DCPS: variants seen among roughly 807,000 people sequenced by gnomAD.
DCPS encodes decapping enzyme, scavenger.
DCPS carries 27 observed loss-of-function variants against 34.7 expected under a neutral mutation model. The ratio of observed to expected loss-of-function variants is 0.78; its 90% CI spans 0.57 to 1.07. The LOEUF is 1.07. DCPS is among the 50% of genes least tolerant of loss of function. The probability of loss-of-function intolerance (pLI) is 0.00; values close to 1 mark genes in which losing one functional copy is unlikely to be tolerated. For synonymous variants in DCPS, 185 were observed against 185.7 expected (o/e 1.00, Z 0.03); for missense variants, 464 against 436.9 (o/e 1.06, Z -0.55).
rs1395490934 is a variant in DCPS at position 126,327,689 on chromosome 11, T to C, written c.377-3716T>C. Among the ~76,000 whole-genome samples the C allele has an allele frequency of 6.6e-6, 1 of 152,224 alleles. No homozygotes were observed. Among genetic ancestry groups the C allele is most frequent in the Admixed American group, 6.5e-5 (1 of 15,286 alleles). ...TCGTAAACCTTAGCATTAGGAAATA[T>C]ATTGATTTGTATCAGAGAGGTTTTA... On this transcript the variant is annotated intron_variant, in intron 2 of 5. Coordinates refer to ENST00000263579, the MANE Select transcript of DCPS (RefSeq NM_014026.6). This position sits in a 1 kb window ranked among gnomAD's most constrained non-coding sequence, Gnocchi z 4.1.
chr11:126,307,479 C>T (rs566046485), intron 2 of DCPS, among the ~76,000 whole-genome samples: 8 of 152,060 alleles, frequency 5.3e-5, no homozygotes, highest in South Asian at 4.1e-4. Context: ...GGCGCGATCT[C>T]GGCTCGCTGC....
rs1951713129 is a variant in DCPS, at chr11:126,322,276, T to C, written c.377-9129T>C. Reference sequence around the variant, plus strand: ...TCTTCTTATTTTTATTTATTTTTATTTTTTTGAGACAGAGTCTCACTTTGT... The same window carrying C: ...TCTTCTTATTTTTATTTATTTTTATCTTTTTGAGACAGAGTCTCACTTTGT... On this transcript the variant is annotated intron_variant, in intron 2 of 5. Transcript: ENST00000263579. This position sits in a 1 kb window ranked among gnomAD's most constrained non-coding sequence, Gnocchi z 4.2. Among the ~76,000 whole-genome samples the C allele has an allele frequency of 6.6e-6, 1 of 151,980 alleles. No homozygotes were observed. The highest frequency in any genetic ancestry group is 1.5e-5 in the Non-Finnish European group (1 of 67,980).
chr11:126,327,499 T>C lies in DCPS; in HGVS notation c.377-3906T>C, dbSNP rs1239361405. On this transcript the variant is annotated intron_variant, in intron 2 of 5. Transcript: ENST00000263579. This position sits in a 1 kb window ranked among gnomAD's most constrained non-coding sequence, Gnocchi z 4.1. ...ATAAGTAATCTATGGGAGATATTTT[T>C]GAGACTGTGCCTGTGTATCGTGTTT... Among the ~76,000 whole-genome samples the C allele has an allele frequency of 1.3e-5, 2 of 152,236 alleles. No individual in the cohort carries two copies. Among genetic ancestry groups the C allele is most frequent in the Non-Finnish European group, 1.5e-5 (1 of 68,048 alleles).
chr11:126,306,707 C>T lies in DCPS; in HGVS notation c.339C>T (p.Tyr113=), dbSNP rs774374339. The change falls in exon 2 of 6, where the codon TAC becomes TAT. Residue 113 remains tyrosine, a synonymous_variant. Coordinates refer to ENST00000263579, the MANE Select transcript of DCPS (RefSeq NM_014026.6). ...AGTTGCAGTTCTCCAATGATATCTA[C>T]AGCACCTATCACTTGTTCCCTCCAA... The part of the protein sequence containing the change: ...ELQLQFSNDI[Y]STYHLFPPRQ... The T allele has an allele frequency of 6.8e-6, 11 of 1,607,418 alleles. No individual in the cohort carries two copies. Among genetic ancestry groups the T allele is most frequent in the African/African-American group, 2.7e-5 (2 of 74,814 alleles).
rs1951752409 is a variant in DCPS at position 126,327,869 on chromosome 11, G to A, written c.377-3536G>A. Among the ~76,000 whole-genome samples, 1 of 152,250 alleles carries A rather than the reference G, an allele frequency of 6.6e-6. No individual in the cohort carries two copies. The highest frequency in any genetic ancestry group is 2.4e-5 in the African/African-American group (1 of 41,470). On this transcript the variant is annotated intron_variant, in intron 2 of 5. Coordinates refer to ENST00000263579, the MANE Select transcript of DCPS (RefSeq NM_014026.6). This position sits in a 1 kb window ranked among gnomAD's most constrained non-coding sequence, Gnocchi z 4.1. ...ATTGTTTTCTTCCGGAAGCTGCATA[G>A]TAGTTGGGGAGTCAGACAGTCCATC...
rs987304256 is a variant in DCPS at position 126,319,254 on chromosome 11, T to A, written c.377-12151T>A. On this transcript the variant is annotated intron_variant, in intron 2 of 5. Coordinates refer to ENST00000263579, the MANE Select transcript of DCPS (RefSeq NM_014026.6). The surrounding 1 kb of genome is among the most constrained non-coding windows in gnomAD (Gnocchi z 4.5). ...CCTGAACTCCACCAGGCCCCTCTTC[T>A]GGGACTTCCCCCTTCATGCCTCCCA... Among the ~76,000 whole-genome samples the A allele has an allele frequency of 1.3e-5, 2 of 152,112 alleles. No individual in the cohort carries two copies. The highest frequency in any genetic ancestry group is 2.9e-5 in the Non-Finnish European group (2 of 67,994).
intron 2 of DCPS, among the ~76,000 whole-genome samples, chr11:126,311,439 G>A (rs1051661079): frequency 3.9e-5 from 6 of 152,232 alleles, no homozygotes; most frequent in African/African-American, 9.6e-5. Context: ...ATGTCTCCCT[G>A]TCTTTGCAGT....
At chr11:126,304,995 C>T (rs1951551778) in intron 1 of DCPS, among the ~76,000 whole-genome samples, 3 of 152,224 alleles carry the variant, frequency 2.0e-5, no homozygotes, top group Admixed American at 2.0e-4. Flanking sequence ...CTAGCCAGGG[C>T]AGATAAGGGG....
At chr11:126,309,213 A>T (rs1211752540) in intron 2 of DCPS, among the ~76,000 whole-genome samples, 1 of 151,986 alleles carries the variant, frequency 6.6e-6, no homozygotes, top group Non-Finnish European at 1.5e-5. Context: ...TTTAATAGAG[A>T]TGGGGTTTCA....
chr11:126,345,925 G>A lies in DCPS; in HGVS notation c.*312G>A, dbSNP rs1591394772. ...CCTTCTCCAAGCCCCAGGGCTCACC[G>A]TCCGTGGTGGCTTCCTTCTCCCCAC... On this transcript the variant is annotated 3_prime_UTR_variant, in exon 6 of 6. Transcript: ENST00000263579. The surrounding 1 kb of genome is among the most constrained non-coding windows in gnomAD (Gnocchi z 7.4). Among the ~76,000 whole-genome samples the A allele has an allele frequency of 1.3e-5, 2 of 152,078 alleles. No homozygotes were observed. The highest frequency in any genetic ancestry group is 2.9e-5 in the Non-Finnish European group (2 of 68,006).
In DCPS at chr11:126,337,143, G is replaced by A; in HGVS notation, c.523-1143G>A. 6.6e-6 allele frequency: 1 copy of A among 152,392 alleles called. No homozygotes were observed. Among genetic ancestry groups the A allele is most frequent in the Non-Finnish European group, 1.5e-5 (1 of 68,086 alleles). The allele number at this position is 152,392 out of a possible 1,614,324, so 9.4% of individuals were successfully genotyped here. ...AGTGGAAGGAGGACCATGGATGGCT[G>A]CCTGGTAGTGTCGGTTCCCTGGCCT... On this transcript the variant is annotated intron_variant, in intron 3 of 5. Transcript: ENST00000263579. The surrounding 1 kb of genome is among the most constrained non-coding windows in gnomAD (Gnocchi z 5.3).
rs75198770 is a variant in DCPS at position 126,333,497 on chromosome 11, G to A, written c.522+1947G>A. Among the ~76,000 whole-genome samples the A allele has an allele frequency of 2.6e-5, 4 of 152,214 alleles. No homozygotes were observed. Among genetic ancestry groups the A allele is most frequent in the African/African-American group, 9.7e-5 (4 of 41,448 alleles). ...GTGATGCAGAGGGACAGTGACCAGC[G>A]CAGACAGTTGGGACTTCACAGGGAG... On this transcript the variant is annotated intron_variant, in intron 3 of 5. Transcript: ENST00000263579. The surrounding 1 kb of genome is among the most constrained non-coding windows in gnomAD (Gnocchi z 5.7).
rs1951811623 is a variant in DCPS, at chr11:126,333,974, A to G, written c.522+2424A>G. Among the ~76,000 whole-genome samples the G allele has an allele frequency of 6.6e-6, 1 of 152,164 alleles. No individual in the cohort carries two copies. The highest frequency in any genetic ancestry group is 1.5e-5 in the Non-Finnish European group (1 of 68,040). ...CTAAACGGTTTTAAGCATGTGGATG[A>G]TATGGCCCGATTTGCAGAATTAATT... On this transcript the variant is annotated intron_variant, in intron 3 of 5. Coordinates refer to ENST00000263579, the MANE Select transcript of DCPS (RefSeq NM_014026.6). The surrounding 1 kb of genome is among the most constrained non-coding windows in gnomAD (Gnocchi z 5.7).
chr11:126,345,286 A>T lies in DCPS; in HGVS notation c.748-61A>T, dbSNP rs1951909217. On this transcript the variant is annotated intron_variant, in intron 5 of 5. Coordinates refer to ENST00000263579, the MANE Select transcript of DCPS (RefSeq NM_014026.6). The surrounding 1 kb of genome is among the most constrained non-coding windows in gnomAD (Gnocchi z 7.4). The stretch of plus-strand genomic sequence containing the variant: ...AGATGGGAGGAGGGTCTAGGTGGGG[A>T]CATGGCGCCGGGCCTCAGGCAGCAC... 6.3e-7 allele frequency: 1 copy of T among 1,593,958 alleles called. No homozygotes were observed. Among genetic ancestry groups the T allele is most frequent in the Non-Finnish European group, 8.5e-7 (1 of 1,170,926 alleles).
Position 126,347,525 on chromosome 11 carries a change from C to T in DCPS, c.*1912C>T, listed in dbSNP as rs1000014616. ...AGGCGTGAGCCACCGCGCCCAGCCC[C>T]TGCAATACGTCAACAGTCCCTAGAT... is the stretch of plus-strand genomic sequence containing the variant. On this transcript the variant is annotated 3_prime_UTR_variant, in exon 6 of 6. Coordinates refer to ENST00000263579, the MANE Select transcript of DCPS (RefSeq NM_014026.6). This position sits in a 1 kb window ranked among gnomAD's most constrained non-coding sequence, Gnocchi z 4.2. Among the ~76,000 whole-genome samples, 3 of 152,176 alleles carry T rather than the reference C, an allele frequency of 2.0e-5. No homozygotes were observed. The highest frequency in any genetic ancestry group is 4.4e-5 in the Non-Finnish European group (3 of 68,036).
intron 2 of DCPS, among the ~76,000 whole-genome samples, chr11:126,309,593 G>C (rs1027691772): frequency 6.6e-6 from 1 of 151,960 alleles, no homozygotes; most frequent in African/African-American, 2.4e-5. Context: ...TTCTTCATTT[G>C]GTTGAATCCA....
rs1378124440 is a variant in DCPS at position 126,347,305 on chromosome 11, C to T, written c.*1692C>T. Among the ~76,000 whole-genome samples, 11 of 150,354 alleles carry T rather than the reference C, an allele frequency of 7.3e-5. No individual in the cohort carries two copies. In the South Asian group the frequency reaches 1.0e-3, roughly 14 times the overall value. On this transcript the variant is annotated 3_prime_UTR_variant, in exon 6 of 6. Transcript: ENST00000263579. The surrounding 1 kb of genome is among the most constrained non-coding windows in gnomAD (Gnocchi z 4.2). ...GTGGCACAATCTCGACTCACTGCAA[C>T]CTCTGCCTCCTGGGTTCAAGTGATT...
rs1951688176 is a variant in DCPS, at chr11:126,319,554, CA to C, written c.377-11850del. Among the ~76,000 whole-genome samples the C allele has an allele frequency of 6.6e-6, 1 of 152,148 alleles. No individual in the cohort carries two copies. Among genetic ancestry groups the C allele is most frequent in the Non-Finnish European group, 1.5e-5 (1 of 68,020 alleles). On this transcript the variant is annotated intron_variant, in intron 2 of 5. Transcript: ENST00000263579. The surrounding 1 kb of genome is among the most constrained non-coding windows in gnomAD (Gnocchi z 4.5). ...CAGGAAGCATCTTGGAGGGCACAAGCAGAGCATGAGCAGTGTCATCTCTGCA... is the reference window on the plus strand; with the variant it reads ...CAGGAAGCATCTTGGAGGGCACAAGCGAGCATGAGCAGTGTCATCTCTGCA...
chr11:126,326,659 C>T (rs1013760664), intron 2 of DCPS, among the ~76,000 whole-genome samples: 2 of 152,180 alleles, frequency 1.3e-5, no homozygotes, highest in African/African-American at 4.8e-5. Context: ...CGCAGTGGCT[C>T]ACGCCTGTAA....
Sources: gnomAD v4.1 joint callset for allele counts (sites outside exome capture counted in the v4.1 genomes callset) on GRCh38, gnomAD v4.1.1 for gene constraint, Gnocchi (gnomAD v3.1) non-coding constraint, MANE v1.5 for transcripts, NCBI Gene and HGNC (gene_info 2026-07-23, HGNC 2026-07-21) for gene names.